The following SMG6 variants were observed in gnomAD, a reference collection of about 807,000 sequenced individuals.
SMG6 encodes the protein telomerase-binding protein EST1A.
In SMG6, 66 loss-of-function variants were observed where a neutral mutation model predicts 142.2. The observed-to-expected ratio is 0.46, with a 90% confidence interval of 0.38 to 0.57. The LOEUF (loss-of-function observed/expected upper bound fraction) is 0.57, where lower values mean the gene tolerates loss of function less well. Among genes scored for constraint, SMG6 ranks in the 20% least tolerant of loss-of-function variants. The pLI is 0.00. For synonymous variants in SMG6, 779 were observed against 702.4 expected, an observed-to-expected ratio of 1.11 and a Z score of -1.72; for missense variants, 1,793 against 1,832.0, an observed-to-expected ratio of 0.98 and a Z score of 0.39.
chr17:2,088,230 G>A (rs903181613), intron 13 of SMG6: 4 of 985,392 alleles, frequency 4.1e-6, no homozygotes, highest in African/African-American at 1.7e-5. Context: ...GGTATGCTGC[G>A]TGGCTAAGAA....
At chr17:2,172,126 G>A (rs2071522117) in intron 13 of SMG6, among the ~76,000 whole-genome samples, 1 of 152,122 alleles carries the variant, frequency 6.6e-6, no homozygotes. Flanking sequence ...AGGTTAAAAC[G>A]CAGTCCTCAG....
At chr17:2,215,882 A>G (rs1471152987) in intron 10 of SMG6, 1 of 152,250 alleles carries the variant, frequency 6.6e-6, no homozygotes, top group South Asian at 2.1e-4. Context: ...AGGAGGAAAG[A>G]GGAAAGAGAA....
In SMG6 at chr17:2,093,672, G is replaced by A. The variant is rs566163310; in HGVS notation, c.3358-7771C>T. 3.9e-5 allele frequency among the ~76,000 whole-genome samples: 6 copies of A among 152,334 alleles called. No homozygotes were observed. The South Asian group carries it at 1.0e-3, about 26-fold the overall frequency. On this transcript the variant is annotated intron_variant, in intron 13 of 18. Coordinates refer to ENST00000263073, the MANE Select transcript of SMG6 (RefSeq NM_017575.5). The stretch of plus-strand genomic sequence containing the variant: ...GAGGCCCTGGAATGCTTACCTGGCT[G>A]TTGAAGCTGCAAAAAAAATTTTTTT...
chr17:2,127,587 C>G (rs2069941509), intron 13 of SMG6: 2 of 585,480 alleles, frequency 3.4e-6, no homozygotes, highest in Non-Finnish European at 6.8e-6. Flanking sequence ...CCCAATCTTG[C>G]TGGGCATGCA....
chr17:2,229,206 A>G (rs2073401812), intron 10 of SMG6: 1 of 152,188 alleles, frequency 6.6e-6, no homozygotes, highest in African/African-American at 2.4e-5. Flanking sequence ...AATAATGAAC[A>G]TGAACTCCAG....
At chr17:2,303,321 C>G (rs1366065294) in intron 1 of SMG6, 3 of 1,152,398 alleles carry the variant, frequency 2.6e-6, no homozygotes, top group Non-Finnish European at 2.1e-6. Context: ...CCGCGTCTCC[C>G]GATGCCTGGG....
At chr17:2,186,448 G>C (rs2071987786) in intron 12 of SMG6, among the ~76,000 whole-genome samples, 1 of 152,116 alleles carries the variant, frequency 6.6e-6, no homozygotes, top group Admixed American at 6.5e-5. Flanking sequence ...GAAAAAGAGA[G>C]TGTGAGAGGA....
chr17:2,240,752 T>C (rs1292017462), intron 9 of SMG6, among the ~76,000 whole-genome samples: 3 of 152,250 alleles, frequency 2.0e-5, no homozygotes, highest in Admixed American at 6.5e-5. Context: ...GCTGACGCAG[T>C]GTGGAGCACC....
At chr17:2,241,819 T>C (rs1008860434) in intron 9 of SMG6, among the ~76,000 whole-genome samples, 2 of 152,218 alleles carry the variant, frequency 1.3e-5, no homozygotes, top group African/African-American at 2.4e-5. Flanking sequence ...CTGATAAAAA[T>C]ATATCCTAAA....
intron 10 of SMG6, among the ~76,000 whole-genome samples, chr17:2,194,043 G>A (rs546463120): frequency 2.6e-5 from 4 of 152,260 alleles, no homozygotes; most frequent in Admixed American, 1.3e-4. Context: ...CACCTGCCTC[G>A]GTCTCCCAAA....
intron 13 of SMG6, among the ~76,000 whole-genome samples, chr17:2,091,704 T>C (rs111498694): frequency 0.018 from 2,735 of 150,020 alleles, 93 homozygotes; most frequent in African/African-American, 0.064. Flanking sequence ...AGAGTCTCGC[T>C]CTGTTGCCCA....
chr17:2,223,434 AAT>A (rs1365530261), intron 10 of SMG6, among the ~76,000 whole-genome samples: 1 of 152,188 alleles, frequency 6.6e-6, no homozygotes, highest in Admixed American at 6.5e-5. Flanking sequence ...TGCATTCCTA[AAT>A]AGACGACAAT....
chr17:2,080,150 G>A (rs985823990), intron 15 of SMG6, among the ~76,000 whole-genome samples: 6 of 150,982 alleles, frequency 4.0e-5, no homozygotes, highest in Admixed American at 1.3e-4. Flanking sequence ...CCAGTGTGAC[G>A]GCTCATGCCT....
intron 2 of SMG6, 53 bp downstream of exon 2, chr17:2,298,853 T>C (rs2075203539): frequency 4.6e-6 from 7 of 1,532,952 alleles, no homozygotes; most frequent in Non-Finnish European, 4.4e-6. Context: ...TAGCAATCTA[T>C]ACACCTCCGG....
At chr17:2,091,002 GTTAA>G (rs1434548440) in intron 13 of SMG6, among the ~76,000 whole-genome samples, 11 of 152,172 alleles carry the variant, frequency 7.2e-5, no homozygotes, top group African/African-American at 2.4e-4. Context: ...TTAGCAATGG[GTTAA>G]TTATCATCTT....
intron 13 of SMG6, chr17:2,101,651 A>C (rs1597385969): frequency 1.3e-5 from 2 of 152,072 alleles, no homozygotes; most frequent in Non-Finnish European, 2.9e-5. Flanking sequence ...TGCATGCCTC[A>C]CTCACCCTTC....
chr17:2,292,764 G>GT, intron 5 of SMG6, 107 bp downstream of exon 5: 1 of 1,370,692 alleles, frequency 7.3e-7, no homozygotes, highest in Non-Finnish European at 1.0e-6. Flanking sequence ...ATGACTACAG[G>GT]GACCAATAGG....
intron 6 of SMG6, among the ~76,000 whole-genome samples, chr17:2,288,079 C>A (rs570417298): frequency 1.3e-5 from 2 of 150,264 alleles, no homozygotes; most frequent in Non-Finnish European, 3.0e-5. Flanking sequence ...TTTCGGAGGC[C>A]AAGGTGGGTG....
At chr17:2,186,569 G>A in intron 12 of SMG6, 94 bp downstream of exon 12, 1 of 1,405,752 alleles carries the variant, frequency 7.1e-7, no homozygotes, top group Non-Finnish European at 9.8e-7. Flanking sequence ...GCAGGCTGTG[G>A]GCAGAAAGAA....
Sources: allele counts gnomAD v4.1 joint callset (sites outside exome capture counted in the v4.1 genomes callset), GRCh38; gene constraint gnomAD v4.1.1; transcripts MANE v1.5; gene names NCBI Gene and HGNC (gene_info 2026-07-23, HGNC 2026-07-21).